Variants in NRG2 observed in about 807,000 individuals in gnomAD.
NRG2 encodes pro-neuregulin-2, membrane-bound isoform.
Under a neutral mutation model 73.9 loss-of-function variants are expected in NRG2, and 27 were observed. That is an observed-to-expected ratio of 0.37 (90% CI 0.27 to 0.50). The LOEUF (loss-of-function observed/expected upper bound fraction) is 0.50. Ranked by LOEUF, NRG2 falls within the 20% of genes least tolerant of loss-of-function variation. The pLI, the probability that NRG2 is intolerant of heterozygous loss-of-function variation, is 0.96. For synonymous variants in NRG2, 532 were observed against 541.0 expected, an observed-to-expected ratio of 0.98 and a Z score of 0.23; for missense variants, 1,126 against 1,210.1, an observed-to-expected ratio of 0.93 and a Z score of 1.03.
At chr5:139,874,256 C>T (rs760804326) in intron 3 of NRG2, among the ~76,000 whole-genome samples, 8 of 152,180 alleles carry the variant, frequency 5.3e-5, no homozygotes, top group Non-Finnish European at 1.2e-4. Context: ...CTATGGTTGC[C>T]CGTGTTTGGA....
At chr5:139,952,694 C>T (rs1754306406) in intron 1 of NRG2, among the ~76,000 whole-genome samples, 1 of 152,200 alleles carries the variant, frequency 6.6e-6, no homozygotes, top group African/African-American at 2.4e-5. Flanking sequence ...CCGAGCTCTC[C>T]CCTCCTCCCC....
intron 5 of NRG2, among the ~76,000 whole-genome samples, chr5:139,864,255 C>T (rs904374021): frequency 2.0e-5 from 3 of 152,150 alleles, no homozygotes; most frequent in Non-Finnish European, 2.9e-5. Context: ...GCTTTTTGTT[C>T]TGCTCCACCT....
At chr5:139,957,319 G>C (rs968867349) in intron 1 of NRG2, among the ~76,000 whole-genome samples, 8 of 150,194 alleles carry the variant, frequency 5.3e-5, no homozygotes, top group African/African-American at 1.5e-4. Flanking sequence ...GTGTGTGTGT[G>C]TGTGTGTGTG....
chr5:139,916,133 G>T (rs756567877), intron 1 of NRG2, among the ~76,000 whole-genome samples: 2 of 152,182 alleles, frequency 1.3e-5, no homozygotes, highest in Admixed American at 6.5e-5. Context: ...GTTTAACAAT[G>T]GGGTGTAGCC....
At chr5:139,850,733 C>T (rs981510594) in intron 9 of NRG2, among the ~76,000 whole-genome samples, 16 of 152,180 alleles carry the variant, frequency 1.1e-4, no homozygotes, top group East Asian at 1.9e-4. Context: ...GAAGAAAGGG[C>T]GTTTCCTGGT....
At chr5:140,007,652 G>A (rs1302899920) in intron 1 of NRG2, among the ~76,000 whole-genome samples, 1 of 152,136 alleles carries the variant, frequency 6.6e-6, no homozygotes, top group African/African-American at 2.4e-5. Flanking sequence ...GTATCTTTAG[G>A]GTAGGAGAAA....
chr5:139,852,511 T>C lies in NRG2; in HGVS notation c.1465A>G (p.Thr489Ala), dbSNP rs1761512920. ...PATDHVIRRE[T>A]ETTFSGSHSC... ...TGGCTCCCAGAGAAGGTGGTCTCAG[T>C]TTCTCTCCTGATGACATGGTCTGTG... is the stretch of plus-strand genomic sequence containing the variant. The change falls in exon 8 of 10, where the codon ACT (threonine) becomes GCT (alanine). Residue 489 changes from threonine to alanine, a missense_variant. Physicochemically the swap from Thr to Ala is moderately conservative, Grantham distance 58. Transcript: ENST00000361474. This position sits in a 1 kb window ranked among gnomAD's most constrained non-coding sequence, Gnocchi z 4.4. 1 of 1,614,048 alleles carries C rather than the reference T, an allele frequency of 6.2e-7. No homozygotes were observed. Among genetic ancestry groups the C allele is most frequent in the Non-Finnish European group, 8.5e-7 (1 of 1,179,974 alleles).
chr5:139,999,674 T>G (rs1260355811), intron 1 of NRG2, among the ~76,000 whole-genome samples: 2 of 152,204 alleles, frequency 1.3e-5, no homozygotes, highest in African/African-American at 4.8e-5. Flanking sequence ...CCTCCAAACA[T>G]CGGTCCCTCC....
chr5:139,966,093 C>T lies in NRG2; in HGVS notation c.700+76277G>A, dbSNP rs575574558. ...GGTATCCCCAGTGTCAGTGTGGTGC[C>T]TGGCACATAGCAGGGACTCAGTAAT... On this transcript the variant is annotated intron_variant, in intron 1 of 9. Transcript: ENST00000361474. Among the ~76,000 whole-genome samples, 495 of 152,224 alleles carry T rather than the reference C, an allele frequency of 3.3e-3. 5 individuals carry two copies. The highest frequency in any genetic ancestry group is 5.4e-3 in the Non-Finnish European group (368 of 68,016).
At chr5:140,020,338 C>A (rs1310324701) in intron 1 of NRG2, among the ~76,000 whole-genome samples, 1 of 152,204 alleles carries the variant, frequency 6.6e-6, no homozygotes, top group East Asian at 1.9e-4. Flanking sequence ...TAGCTGATTT[C>A]TTGTCCTGCC....
chr5:139,879,806 A>G (rs1451336576), intron 3 of NRG2, among the ~76,000 whole-genome samples: 3 of 152,204 alleles, frequency 2.0e-5, no homozygotes, highest in African/African-American at 4.8e-5. Context: ...TGGCAAGGAC[A>G]TGGAGACTCA....
Position 139,868,478 on chromosome 5 carries a change from C to T in NRG2, c.1113-2853G>A, listed in dbSNP as rs1297141088. The stretch of plus-strand genomic sequence containing the variant: ...ACAGAGGACAGATTAGAAGGAGCAG[C>T]GGGTAACAGCCTTCCCAGCCTTTCC... On this transcript the variant is annotated intron_variant, in intron 4 of 9. Transcript: ENST00000361474. This position sits in a 1 kb window ranked among gnomAD's most constrained non-coding sequence, Gnocchi z 4.2. Among the ~76,000 whole-genome samples the T allele has an allele frequency of 2.0e-5, 3 of 152,004 alleles. No homozygotes were observed. The highest frequency in any genetic ancestry group is 6.5e-5 in the Admixed American group (1 of 15,272).
intron 3 of NRG2, among the ~76,000 whole-genome samples, chr5:139,879,743 G>A (rs978500906): frequency 6.6e-6 from 1 of 152,202 alleles, no homozygotes; most frequent in Non-Finnish European, 1.5e-5. Context: ...GGTTACCCTT[G>A]AGGTATAGTT....
intron 1 of NRG2, among the ~76,000 whole-genome samples, chr5:140,036,562 T>C (rs1350878396): frequency 3.9e-5 from 6 of 152,264 alleles, no homozygotes; most frequent in Non-Finnish European, 2.9e-5. Context: ...GATTAATTCA[T>C]CTACTTTCCC....
chr5:139,904,447 G>C lies in NRG2; in HGVS notation c.701-16936C>G. The C allele has an allele frequency of 1.7e-6, 2 of 1,159,306 alleles. No individual in the cohort carries two copies. Among genetic ancestry groups the C allele is most frequent in the African/African-American group, 1.6e-5 (1 of 63,076 alleles). The allele number at this position is 1,159,306 out of a possible 1,614,324, so 71.8% of individuals were successfully genotyped here. ...GACGGCCTCAGCTCTCCGCTGCCGCGCTGCGCCCCCGCCGCCTGCAGCCTC... is the reference window on the plus strand; with the variant it reads ...GACGGCCTCAGCTCTCCGCTGCCGCCCTGCGCCCCCGCCGCCTGCAGCCTC... On this transcript the variant is annotated intron_variant, in intron 1 of 9. Transcript: ENST00000361474. This position sits in a 1 kb window ranked among gnomAD's most constrained non-coding sequence, Gnocchi z 6.0.
chr5:139,885,400 A>G (rs1304803972), intron 2 of NRG2, among the ~76,000 whole-genome samples: 1 of 152,166 alleles, frequency 6.6e-6, no homozygotes, highest in Non-Finnish European at 1.5e-5. Context: ...TGCAAAGATA[A>G]CTGCGGTTTC....
intron 1 of NRG2, among the ~76,000 whole-genome samples, chr5:139,953,266 G>C (rs905767464): frequency 1.3e-5 from 2 of 152,152 alleles, no homozygotes; most frequent in Admixed American, 6.5e-5. Flanking sequence ...GCCAAAAAGG[G>C]CCTTTGTGAC....
chr5:139,991,203 G>C (rs1757603026), intron 1 of NRG2, among the ~76,000 whole-genome samples: 1 of 151,950 alleles, frequency 6.6e-6, no homozygotes, highest in Non-Finnish European at 1.5e-5. Context: ...TTGAATCCCG[G>C]AGGCAGAGGT....
At chr5:140,033,568 G>C (rs765448836) in intron 1 of NRG2, among the ~76,000 whole-genome samples, 2 of 152,176 alleles carry the variant, frequency 1.3e-5, no homozygotes, top group Non-Finnish European at 2.9e-5. Flanking sequence ...CATATCCTGG[G>C]ACTCACAAGG....
Sources: gnomAD v4.1 joint callset for allele counts (sites outside exome capture counted in the v4.1 genomes callset) on GRCh38, gnomAD v4.1.1 for gene constraint, Gnocchi (gnomAD v3.1) non-coding constraint, MANE v1.5 for transcripts, NCBI Gene and HGNC (gene_info 2026-07-23, HGNC 2026-07-21) for gene names.